The following MYLK3 variants were observed in gnomAD, a reference collection of about 807,000 sequenced individuals.
MYLK3 encodes the protein MLC kinase.
A neutral mutation model predicts 76.3 loss-of-function variants in MYLK3; 55 were observed. That is an observed-to-expected ratio of 0.72 (90% confidence interval 0.58 to 0.90). MYLK3 has a LOEUF of 0.90. Ranked by LOEUF, MYLK3 falls within the 40% of genes least tolerant of loss-of-function variation. The probability of loss-of-function intolerance (pLI) is 0.00; values close to 1 mark genes in which losing one functional copy is unlikely to be tolerated. For missense variants in MYLK3, 973 were observed against 1,053.6 expected, an observed-to-expected ratio of 0.92 and a Z score of 1.06; for synonymous variants, 416 against 425.4, an observed-to-expected ratio of 0.98 and a Z score of 0.27.
intron 10 of MYLK3, chr16:46,711,854 A>C (rs570834466): frequency 1.1e-5 from 2 of 185,226 alleles, no homozygotes; most frequent in South Asian, 1.6e-4. Context: ...GTATTCCATG[A>C]TGCATTCTGG....
intron 10 of MYLK3, chr16:46,711,576 T>C (rs1216691980): frequency 2.6e-6 from 1 of 385,346 alleles, no homozygotes; most frequent in Admixed American, 3.4e-5. Flanking sequence ...TATGGTGCAA[T>C]CATAGCTCAC....
chr16:46,734,722 G>C (rs936985625), intron 3 of MYLK3, among the ~76,000 whole-genome samples: 1 of 152,170 alleles, frequency 6.6e-6, no homozygotes, highest in Non-Finnish European at 1.5e-5. Flanking sequence ...TGGCTGTCAA[G>C]GGCTGAGGGG....
Position 46,737,887 on chromosome 16 carries a change from G to A in MYLK3, c.825C>T (p.Ser275=), listed in dbSNP as rs1303643950. The A allele has an allele frequency of 1.9e-6, 3 of 1,614,038 alleles. No individual in the cohort carries two copies. Among genetic ancestry groups the A allele is most frequent in the East Asian group, 4.5e-5 (2 of 44,898 alleles). ...APAPGRVNVV[S]PSLEVAPGAG... is the part of the protein sequence containing the mutation. ...CACCTGGTGCAACCTCCAGGCTCGG[G>A]GAGACCACATTGACCCTGCCGGGTG... Residue 275 remains serine, a synonymous_variant, in exon 3 of 13, where the codon TCC becomes TCT. Coordinates refer to ENST00000394809, the MANE Select transcript of MYLK3 (RefSeq NM_182493.3).
rs1177545181 is a variant in MYLK3, at chr16:46,709,635, C to T, written c.2304G>A (p.Glu768=). The T allele has an allele frequency of 1.9e-6, 3 of 1,614,128 alleles. No homozygotes were observed. Among genetic ancestry groups the T allele is most frequent in the East Asian group, 2.2e-5 (1 of 44,878 alleles). Residue 768 remains glutamate, a synonymous_variant, in exon 12 of 13, where the codon GAG becomes GAA. Transcript: ENST00000394809. ...RMSATQCLKH[E]WLNNLPAKAS... is the part of the protein sequence containing the mutation. ...CTTTGGCAGGCAAATTATTCAGCCA[C>T]TCGTGTTTCAGGCACTGTGTGGCAC...
intron 7 of MYLK3, among the ~76,000 whole-genome samples, chr16:46,728,743 TA>T (rs1475083497): frequency 1.3e-5 from 2 of 152,126 alleles, no homozygotes; most frequent in African/African-American, 4.8e-5. Flanking sequence ...CAATTTAATT[TA>T]ATTTTCAAAA....
At position 46,721,212 on chromosome 16, in the gene MYLK3, T is replaced by C. The variant is rs1567283314; in HGVS notation, c.1915-19A>G. On this transcript the variant is annotated intron_variant, in intron 8 of 12. Transcript: ENST00000394809. ...TCTCCGGCTGGGAAAGAAAGAAGTCTGCTTAGCCCAAGCAATAGCTGAGGA... is the reference window on the plus strand; with the variant it reads ...TCTCCGGCTGGGAAAGAAAGAAGTCCGCTTAGCCCAAGCAATAGCTGAGGA... 1 of 1,613,564 alleles carries C rather than the reference T, an allele frequency of 6.2e-7. No homozygotes were observed.
chr16:46,724,933 C>T (rs753217190), intron 8 of MYLK3, among the ~76,000 whole-genome samples: 1 of 152,130 alleles, frequency 6.6e-6, no homozygotes, highest in Non-Finnish European at 1.5e-5. Flanking sequence ...CATGGCATGC[C>T]TTTCCATTTA....
At chr16:46,708,337 C>T (rs971596762) in intron 12 of MYLK3, among the ~76,000 whole-genome samples, 9 of 152,060 alleles carry the variant, frequency 5.9e-5, no homozygotes, top group Non-Finnish European at 7.4e-5. Context: ...GATTCACAAC[C>T]GAGCAATGGG....
At chr16:46,716,129 C>A (rs764398148) in intron 9 of MYLK3, among the ~76,000 whole-genome samples, 1 of 152,156 alleles carries the variant, frequency 6.6e-6, no homozygotes, top group Non-Finnish European at 1.5e-5. Flanking sequence ...GGTGCCTGCC[C>A]GTCACCAGAG....
At chr16:46,712,455 G>A (rs1006416744) in intron 10 of MYLK3, among the ~76,000 whole-genome samples, 193 bp downstream of exon 10, 1 of 151,946 alleles carries the variant, frequency 6.6e-6, no homozygotes, top group Admixed American at 6.6e-5. Flanking sequence ...TTGTAAATAT[G>A]GTAACTGGCT....
chr16:46,707,259 G>A lies in MYLK3; in HGVS notation c.*445C>T, dbSNP rs1284768590. 1 of 153,764 alleles carries A rather than the reference G, an allele frequency of 6.5e-6. No homozygotes were observed. The highest frequency in any genetic ancestry group is 1.9e-4 in the East Asian group (1 of 5,222). The allele number at this position is 153,764 out of a possible 1,614,324, so 9.5% of individuals were successfully genotyped here. ...TCCACATGGCTTAACACAAGAATGGGGTAGTACAATAAAATGTCAGCTCAC... is the reference window on the plus strand; with the variant it reads ...TCCACATGGCTTAACACAAGAATGGAGTAGTACAATAAAATGTCAGCTCAC... On this transcript the variant is annotated 3_prime_UTR_variant, in exon 13 of 13. Coordinates refer to ENST00000394809, the MANE Select transcript of MYLK3 (RefSeq NM_182493.3).
chr16:46,747,347 G>A (rs1200138820), intron 1 of MYLK3, among the ~76,000 whole-genome samples: 1 of 152,174 alleles, frequency 6.6e-6, no homozygotes, highest in East Asian at 1.9e-4. Context: ...AGGACAAACT[G>A]GCCACTCCTG....
chr16:46,747,129 C>T (rs1424595375), intron 1 of MYLK3, among the ~76,000 whole-genome samples: 1 of 152,190 alleles, frequency 6.6e-6, no homozygotes, highest in African/African-American at 2.4e-5. Context: ...CTTCCATTAG[C>T]CTGCAGGATT....
intron 1 of MYLK3, among the ~76,000 whole-genome samples, chr16:46,744,301 G>T (rs1333311924): frequency 7.6e-6 from 1 of 131,264 alleles, no homozygotes; most frequent in African/African-American, 2.8e-5. Flanking sequence ...CAAAATGCTG[G>T]AATTACAGGC....
upstream of MYLK3, chr16:46,748,350 G>C (rs1033673786): frequency 7.2e-5 from 96 of 1,337,620 alleles, no homozygotes; most frequent in Middle Eastern, 5.4e-4. The surrounding 1 kb of genome is among the most constrained non-coding windows in gnomAD (Gnocchi z 4.3). Flanking sequence ...TGTGTGAGGA[G>C]CGCAGAGGCC....
At chr16:46,720,388 T>A (rs1288185153) in intron 9 of MYLK3, among the ~76,000 whole-genome samples, 1 of 152,022 alleles carries the variant, frequency 6.6e-6, no homozygotes, top group African/African-American at 2.4e-5. Flanking sequence ...TTTGTAGAGA[T>A]GAGGTCTTGC....
intron 10 of MYLK3, chr16:46,711,842 G>T: frequency 5.0e-6 from 1 of 198,762 alleles, no homozygotes; most frequent in Non-Finnish European, 1.1e-5. Context: ...AACTCTCAGG[G>T]GGTATTCCAT....
At chr16:46,760,838 C>T (rs1175511983) in intron 1 of MYLK3, among the ~76,000 whole-genome samples, 3 of 152,210 alleles carry the variant, frequency 2.0e-5, no homozygotes, top group East Asian at 1.9e-4. Flanking sequence ...ACACAGACAC[C>T]GAGCAGGGTC....
At chr16:46,709,930 G>C (rs922985907) in intron 11 of MYLK3, among the ~76,000 whole-genome samples, 3 of 152,196 alleles carry the variant, frequency 2.0e-5, no homozygotes, top group African/African-American at 7.2e-5. Flanking sequence ...CTTCCCAGAG[G>C]GGGCTGAGAA....
Sources: gnomAD v4.1 joint callset for allele counts (sites outside exome capture counted in the v4.1 genomes callset) on GRCh38, gnomAD v4.1.1 for gene constraint, Gnocchi (gnomAD v3.1) non-coding constraint, MANE v1.5 for transcripts, NCBI Gene and HGNC (gene_info 2026-07-23, HGNC 2026-07-21) for gene names.